Variants in NRXN1 observed in about 807,000 individuals in gnomAD.
NRXN1 encodes the protein neurexin 1.
NRXN1 carries 39 observed loss-of-function variants against 150.9 expected under a neutral mutation model. The ratio of observed to expected loss-of-function variants is 0.26; its 90% confidence interval spans 0.20 to 0.34. NRXN1 has a LOEUF of 0.34. NRXN1 is among the 10% of genes least tolerant of loss of function. The probability of loss-of-function intolerance (pLI) is 1.00; values close to 1 mark genes in which losing one functional copy is unlikely to be tolerated. For missense variants in NRXN1, 1,815 were observed against 1,949.9 expected, an observed-to-expected ratio of 0.93 and a Z score of 1.30; for synonymous variants, 924 against 757.0, an observed-to-expected ratio of 1.22 and a Z score of -3.62.
chr2:50,232,722 G>A (rs2681998), intron 18 of NRXN1, among the ~76,000 whole-genome samples: 62,993 of 151,816 alleles, frequency 0.41, 13,223 homozygotes, highest in Middle Eastern at 0.47. Context: ...TATAAATCAT[G>A]TTCTCTGCCA....
intron 5 of NRXN1, among the ~76,000 whole-genome samples, chr2:50,772,095 C>A (rs1302619993): frequency 6.6e-6 from 1 of 151,818 alleles, no homozygotes; most frequent in South Asian, 2.1e-4. Flanking sequence ...AATACAAGTC[C>A]TGGGGTTATG....
At chr2:50,411,482 C>T (rs368165141) in intron 17 of NRXN1, among the ~76,000 whole-genome samples, 1,894 of 151,984 alleles carry the variant, frequency 0.012, 28 homozygotes, top group African/African-American at 0.043. Flanking sequence ...TCTGCCCGGC[C>T]GCCCATCGTC....
At chr2:50,946,673 T>A (rs7584445) in intron 2 of NRXN1, among the ~76,000 whole-genome samples, 47,765 of 151,984 alleles carry the variant, frequency 0.31, 8,538 homozygotes, top group Non-Finnish European at 0.41. Context: ...CCAACCAAAT[T>A]TATAAAATTA....
At chr2:50,978,566 G>A (rs549421909) in intron 2 of NRXN1, among the ~76,000 whole-genome samples, 5 of 151,532 alleles carry the variant, frequency 3.3e-5, no homozygotes, top group East Asian at 1.9e-4. Flanking sequence ...ATAAATATCC[G>A]ATTACTATAA....
chr2:50,732,091 C>T (rs1698173205), intron 5 of NRXN1, among the ~76,000 whole-genome samples: 1 of 152,074 alleles, frequency 6.6e-6, no homozygotes, highest in African/African-American at 2.4e-5. Flanking sequence ...TATCACCTTT[C>T]AGGCTGAACA....
chr2:50,891,092 T>C (rs543262814), intron 5 of NRXN1, among the ~76,000 whole-genome samples: 41 of 152,120 alleles, frequency 2.7e-4, no homozygotes, highest in Non-Finnish European at 4.6e-4. Flanking sequence ...CTCCTCGAAG[T>C]CAAAATTTCA....
intron 5 of NRXN1, among the ~76,000 whole-genome samples, chr2:50,825,884 G>A (rs1670380302): frequency 6.6e-6 from 1 of 152,172 alleles, no homozygotes; most frequent in Admixed American, 6.5e-5. Context: ...ACACTTGGCA[G>A]GTGTCTGTTG....
In NRXN1 at chr2:50,329,661, A is replaced by T. The variant is rs1212052753; in HGVS notation, c.3365-92691T>A. 7.8e-3 allele frequency among the ~76,000 whole-genome samples: 219 copies of T among 27,956 alleles called. 15 individuals carry two copies. Among genetic ancestry groups the T allele is most frequent in the African/African-American group, 0.04 (204 of 5,040 alleles). 18.3% of individuals were successfully genotyped at this position (27,956 alleles called of 152,430 possible). A position where few individuals can be genotyped will look rare whatever the true frequency, so the allele number is the denominator to read the frequency against. Reference sequence around the variant, plus strand: ...TATATATATATATATATATATATATATATATATATATATTTTTTTTTTTCC... The same window carrying T: ...TATATATATATATATATATATATATTTATATATATATATTTTTTTTTTTCC... On this transcript the variant is annotated intron_variant, in intron 17 of 22. Coordinates refer to ENST00000401669, the MANE Select transcript of NRXN1 (RefSeq NM_001330078.2).
chr2:50,293,605 T>C (rs6749530), intron 17 of NRXN1, among the ~76,000 whole-genome samples: 49,027 of 152,012 alleles, frequency 0.32, 8,598 homozygotes, highest in African/African-American at 0.45. Flanking sequence ...AGTAGAACTT[T>C]TCTTAGGAAG....
intron 19 of NRXN1, among the ~76,000 whole-genome samples, chr2:50,081,732 C>A (rs561134698): frequency 6.6e-4 from 101 of 152,068 alleles, no homozygotes; most frequent in Non-Finnish European, 1.3e-3. Context: ...TCATCATACA[C>A]CAAAATACTA....
At chr2:50,652,491 C>A (rs1685789289) in intron 5 of NRXN1, among the ~76,000 whole-genome samples, 1 of 152,050 alleles carries the variant, frequency 6.6e-6, no homozygotes, top group African/African-American at 2.4e-5. Flanking sequence ...AATGTGTGGA[C>A]TTTTAGCATA....
At chr2:50,147,703 A>C (rs920853557) in intron 18 of NRXN1, among the ~76,000 whole-genome samples, 6 of 151,814 alleles carry the variant, frequency 4.0e-5, no homozygotes, top group Non-Finnish European at 7.4e-5. Context: ...TTAAGAAGAT[A>C]AAAACCACTT....
rs535351870 is a variant in NRXN1, at chr2:50,069,929, C to A, written c.3719-14885G>T. The stretch of plus-strand genomic sequence containing the variant: ...GCAGTGGTGCGATCTTGGCTCACTG[C>A]AAGCTCCACCTCCCGAGTTCATGCC... On this transcript the variant is annotated intron_variant, in intron 19 of 22. Coordinates refer to ENST00000401669, the MANE Select transcript of NRXN1 (RefSeq NM_001330078.2). Among the ~76,000 whole-genome samples the A allele has an allele frequency of 8.5e-4, 127 of 150,108 alleles. 1 individual carries two copies. Among genetic ancestry groups the A allele is most frequent in the African/African-American group, 3.0e-3 (124 of 40,832 alleles).
intron 22 of NRXN1, among the ~76,000 whole-genome samples, chr2:49,933,003 G>A (rs899285858): frequency 3.3e-5 from 5 of 152,222 alleles, no homozygotes; most frequent in Non-Finnish European, 4.4e-5. Context: ...GGATCAATTT[G>A]TTATTGCTTC....
At chr2:50,665,336 T>G (rs1031372173) in intron 5 of NRXN1, among the ~76,000 whole-genome samples, 1 of 152,034 alleles carries the variant, frequency 6.6e-6, no homozygotes, top group Admixed American at 6.6e-5. Flanking sequence ...CTTACTATTC[T>G]GTTATTGATC....
At position 50,472,373 on chromosome 2, in the gene NRXN1, C is replaced by G; in HGVS notation, c.3169G>C (p.Asp1057His). The G allele has an allele frequency of 6.2e-7, 1 of 1,612,132 alleles. No homozygotes were observed. Residue 1057 changes from aspartate (D) to histidine (H), a missense_variant, in exon 16 of 23, where the codon GAT becomes CAT. Coordinates refer to ENST00000401669, the MANE Select transcript of NRXN1 (RefSeq NM_001330078.2). ...EGFQGCLASVDLNGRLPDLIS... is the reference protein window; with the variant it reads ...EGFQGCLASVHLNGRLPDLIS... Reference sequence around the variant, plus strand: ...AGGTCCGGAAGCCGTCCATTTAAATCAACTGATGCCAGGCAGCCTTGAAAG... The same window carrying G: ...AGGTCCGGAAGCCGTCCATTTAAATGAACTGATGCCAGGCAGCCTTGAAAG...
chr2:49,995,278 TA>T (rs1275116736), intron 21 of NRXN1, among the ~76,000 whole-genome samples: 1 of 152,212 alleles, frequency 6.6e-6, no homozygotes, highest in Non-Finnish European at 1.5e-5. Flanking sequence ...GAATGTTTTA[TA>T]AAAAACCTTC....
At chr2:50,008,868 T>C (rs1007706809) in intron 21 of NRXN1, among the ~76,000 whole-genome samples, 1 of 152,090 alleles carries the variant, frequency 6.6e-6, no homozygotes, top group South Asian at 2.1e-4. Flanking sequence ...ATAGTAGCCA[T>C]AATGTCACTA....
chr2:50,101,404 T>C (rs1278992753), intron 18 of NRXN1, among the ~76,000 whole-genome samples: 7 of 152,020 alleles, frequency 4.6e-5, no homozygotes, highest in Non-Finnish European at 1.0e-4. Context: ...AGCTTTGGGA[T>C]TATTTGTGGA....
Sources: gnomAD v4.1 joint callset for allele counts (sites outside exome capture counted in the v4.1 genomes callset) on GRCh38, gnomAD v4.1.1 for gene constraint, MANE v1.5 for transcripts, NCBI Gene and HGNC (gene_info 2026-07-23, HGNC 2026-07-21) for gene names.